Variants in DNAI1 observed in about 807,000 individuals in gnomAD.
DNAI1 encodes dynein, axonemal, intermediate polypeptide 1.
Under a neutral mutation model 92.0 loss-of-function variants are expected in DNAI1, and 67 were observed. The ratio of observed to expected loss-of-function variants is 0.73; its 90% confidence interval spans 0.60 to 0.89. The LOEUF (loss-of-function observed/expected upper bound fraction) is 0.89, where lower values mean the gene tolerates loss of function less well. DNAI1 is among the 40% of genes least tolerant of loss of function. The probability of loss-of-function intolerance (pLI) is 0.00; values close to 1 mark genes in which losing one functional copy is unlikely to be tolerated. For missense variants in DNAI1, 839 were observed against 866.6 expected, an observed-to-expected ratio of 0.97 and a Z score of 0.40; for synonymous variants, 323 against 319.6, an observed-to-expected ratio of 1.01 and a Z score of -0.11.
At chr9:34,485,057 G>A (rs1824443945) in intron 2 of DNAI1, 85 bp from the exon 3 acceptor site, 3 of 1,337,566 alleles carry the variant, frequency 2.2e-6, no homozygotes. Context: ...TTGGCTTCTG[G>A]GAGTGTTTGT....
In DNAI1 at chr9:34,458,958, T is replaced by G. The variant is rs1175110944; in HGVS notation, c.-48T>G. Reference sequence around the variant, plus strand: ...GTGTGGTCAAGGAGACGGACAAACTTTTTGTCTTCAGACGAGGGAGCGTTT... The same window carrying G: ...GTGTGGTCAAGGAGACGGACAAACTGTTTGTCTTCAGACGAGGGAGCGTTT... On this transcript the variant is annotated 5_prime_UTR_variant, in exon 1 of 20. Transcript: ENST00000242317. The surrounding 1 kb of genome is among the most constrained non-coding windows in gnomAD (Gnocchi z 6.6). 6.3e-7 allele frequency: 1 copy of G among 1,590,846 alleles called. No homozygotes were observed. The highest frequency in any genetic ancestry group is 1.3e-5 in the African/African-American group (1 of 74,576).
chr9:34,474,624 A>C (rs1824206193), intron 1 of DNAI1, among the ~76,000 whole-genome samples: 1 of 138,156 alleles, frequency 7.2e-6, no homozygotes, highest in Non-Finnish European at 1.5e-5. Context: ...GCTGGAGTAC[A>C]GTGGTGCAAT....
intron 9 of DNAI1, 35 bp from the exon 10 acceptor site, chr9:34,497,080 G>T: frequency 1.9e-6 from 3 of 1,557,034 alleles, no homozygotes; most frequent in Non-Finnish European, 2.7e-6. Flanking sequence ...CTAAGTGCTG[G>T]TTTATGAGGA....
At chr9:34,517,569 G>A in intron 19 of DNAI1, 102 bp downstream of exon 19, 1 of 1,336,026 alleles carries the variant, frequency 7.5e-7, no homozygotes, top group South Asian at 1.2e-5. Context: ...TTTCTGATGT[G>A]GGAGACCCAG....
chr9:34,472,850 C>T (rs575708216), intron 1 of DNAI1, among the ~76,000 whole-genome samples: 4 of 151,640 alleles, frequency 2.6e-5, no homozygotes, highest in East Asian at 1.9e-4. Context: ...TGCAGTGAGC[C>T]GTGATTGTGT....
chr9:34,481,324 T>C (rs1457998906), intron 1 of DNAI1, among the ~76,000 whole-genome samples: 2 of 152,370 alleles, frequency 1.3e-5, no homozygotes, highest in African/African-American at 2.4e-5. Context: ...TTAAAAATAT[T>C]TGTTGAACCA....
Position 34,517,454 on chromosome 9 carries a change from G to T in DNAI1, c.1988G>T (p.Arg663Leu). The T allele has an allele frequency of 3.1e-6, 5 of 1,614,158 alleles. No homozygotes were observed. Among genetic ancestry groups the T allele is most frequent in the Non-Finnish European group, 4.2e-6 (5 of 1,180,036 alleles). Residue 663 changes from arginine (R) to leucine (L), a missense_variant, in exon 19 of 20, where the codon CGC (arginine) becomes CTC (leucine). By Grantham distance (102) the Arg-to-Leu change is moderately radical (BLOSUM62 -2). Coordinates refer to ENST00000242317, the MANE Select transcript of DNAI1 (RefSeq NM_012144.4). ...AGCCTCAAGCTCTCACCCAATTTGC[G>T]CAAGATGCCAAAGGTACAGGCTCTG... ...IISLKLSPNL[R>L]KMPKEKKGQE...
Position 34,491,486 on chromosome 9 carries a change from G to A in DNAI1, c.622-9G>A. 6.2e-7 allele frequency: 1 copy of A among 1,614,164 alleles called. No individual in the cohort carries two copies. Among genetic ancestry groups the A allele is most frequent in the Non-Finnish European group, 8.5e-7 (1 of 1,180,030 alleles). ...CTTTTTGTGGGTCTCCTGTTGTCTT[G>A]TTCTTTAGGATCGAGAATGCCAGAC... On this transcript the variant is annotated splice_polypyrimidine_tract_variant and intron_variant, in intron 7 of 19. Coordinates refer to ENST00000242317, the MANE Select transcript of DNAI1 (RefSeq NM_012144.4).
At chr9:34,519,785 A>G (rs1271689358) in intron 19 of DNAI1, among the ~76,000 whole-genome samples, 1 of 152,140 alleles carries the variant, frequency 6.6e-6, no homozygotes, top group Admixed American at 6.5e-5. Flanking sequence ...GGTGGCTGAG[A>G]GGATGGGGGC....
intron 4 of DNAI1, among the ~76,000 whole-genome samples, chr9:34,487,209 G>T (rs974685529): frequency 6.6e-6 from 1 of 150,720 alleles, no homozygotes; most frequent in Non-Finnish European, 1.5e-5. Flanking sequence ...TTGAGACTGC[G>T]CCTCGCTCTG....
At chr9:34,513,810 G>GAGA (rs1248155639) in intron 16 of DNAI1, among the ~76,000 whole-genome samples, 1 of 152,206 alleles carries the variant, frequency 6.6e-6, no homozygotes, top group Non-Finnish European at 1.5e-5. Context: ...GGCAGCCCAG[G>GAGA]AGAGGCAGGA....
intron 1 of DNAI1, among the ~76,000 whole-genome samples, chr9:34,476,324 A>C (rs181173654): frequency 6.6e-6 from 1 of 152,234 alleles, no homozygotes; most frequent in Non-Finnish European, 1.5e-5. Flanking sequence ...TGTACATGAG[A>C]ATGCCTCTTT....
At chr9:34,460,745 C>T (rs114121049) in intron 1 of DNAI1, among the ~76,000 whole-genome samples, 31 of 152,308 alleles carry the variant, frequency 2.0e-4, no homozygotes, top group African/African-American at 7.2e-4. Flanking sequence ...TCACTGCAAC[C>T]TCCACCTCCC....
At chr9:34,520,515 G>A in intron 19 of DNAI1, 143 bp from the exon 20 acceptor site, 1 of 764,516 alleles carries the variant, frequency 1.3e-6, no homozygotes, top group Non-Finnish European at 2.3e-6. Context: ...TCGTGTCAGG[G>A]AGAGGGGAGG....
At chr9:34,488,835 T>G in intron 4 of DNAI1, among the ~76,000 whole-genome samples, 1 of 152,194 alleles carries the variant, frequency 6.6e-6, no homozygotes, top group Non-Finnish European at 1.5e-5. Context: ...CCAACCCATA[T>G]CTTTTCTGGA....
At chr9:34,486,804 C>T (rs945448691) in intron 4 of DNAI1, among the ~76,000 whole-genome samples, 1 of 152,220 alleles carries the variant, frequency 6.6e-6, no homozygotes, top group African/African-American at 2.4e-5. Flanking sequence ...CAGCCCTCAG[C>T]AACCACTGAA....
At chr9:34,505,183 C>T (rs574606683) in intron 12 of DNAI1, among the ~76,000 whole-genome samples, 4 of 152,294 alleles carry the variant, frequency 2.6e-5, no homozygotes, top group South Asian at 2.1e-4. Flanking sequence ...ATAGGTTTCA[C>T]GGAACCAAAA....
In DNAI1 at chr9:34,478,598, C is replaced by T. The variant is rs961771092; in HGVS notation, c.49-4850C>T. On this transcript the variant is annotated intron_variant, in intron 1 of 19. Coordinates refer to ENST00000242317, the MANE Select transcript of DNAI1 (RefSeq NM_012144.4). ...CTCTCACAGTGCTCACACTGAAGTC[C>T]ACAACAAGAATGGAAAAATGCTCTG... The T allele has an allele frequency of 2.0e-5, 3 of 152,306 alleles. No homozygotes were observed. The East Asian group carries it at 5.8e-4, about 29-fold the overall frequency. The allele number at this position is 152,306 out of a possible 1,614,324, so 9.4% of individuals were successfully genotyped here.
At chr9:34,515,315 C>T (rs1564043488) in intron 18 of DNAI1, among the ~76,000 whole-genome samples, 1 of 152,168 alleles carries the variant, frequency 6.6e-6, no homozygotes, top group Non-Finnish European at 1.5e-5. Context: ...AAGAATGCAG[C>T]GATGAAGGCA....
Sources: gnomAD v4.1 joint callset for allele counts (sites outside exome capture counted in the v4.1 genomes callset) on GRCh38, gnomAD v4.1.1 for gene constraint, Gnocchi (gnomAD v3.1) non-coding constraint, MANE v1.5 for transcripts, NCBI Gene and HGNC (gene_info 2026-07-23, HGNC 2026-07-21) for gene names.